SLC25A40: variants seen among roughly 807,000 people sequenced by gnomAD.
SLC25A40 encodes the protein mitochondrial glutathione transporter SLC25A40.
Under a neutral mutation model 46.5 loss-of-function variants are expected in SLC25A40, and 41 were observed. The ratio of observed to expected loss-of-function variants is 0.88; its 90% CI spans 0.69 to 1.14. SLC25A40 has a LOEUF of 1.14. SLC25A40 is among the 50% of genes most tolerant of loss of function. The pLI is 0.00. For synonymous variants in SLC25A40, 126 were observed against 127.5 expected, an observed-to-expected ratio of 0.99 and a Z score of 0.08; for missense variants, 386 against 393.6, an observed-to-expected ratio of 0.98 and a Z score of 0.16.
At chr7:87,869,292 G>A (rs951208664) in intron 1 of SLC25A40, among the ~76,000 whole-genome samples, 9 of 152,052 alleles carry the variant, frequency 5.9e-5, no homozygotes, top group African/African-American at 1.7e-4. Context: ...TTGGGGGGCC[G>A]AGTGAGGCAA....
intron 3 of SLC25A40, among the ~76,000 whole-genome samples, chr7:87,856,626 GT>G (rs1838620087): frequency 6.6e-6 from 1 of 152,046 alleles, no homozygotes; most frequent in Non-Finnish European, 1.5e-5. Flanking sequence ...ATTAAAGTCA[GT>G]ATTTATAAGA....
intron 3 of SLC25A40, among the ~76,000 whole-genome samples, chr7:87,858,098 G>A (rs1838643004): frequency 6.6e-6 from 1 of 152,090 alleles, no homozygotes; most frequent in Admixed American, 6.5e-5. Context: ...ACTAGGATTG[G>A]GCAACTCCAC....
chr7:87,847,389 T>C (rs1838437452), intron 7 of SLC25A40, among the ~76,000 whole-genome samples: 1 of 152,152 alleles, frequency 6.6e-6, no homozygotes, highest in Non-Finnish European at 1.5e-5. Flanking sequence ...AATGTTATAA[T>C]CAACCAGAAC....
intron 10 of SLC25A40, among the ~76,000 whole-genome samples, chr7:87,839,296 GA>G (rs578169913): frequency 6.6e-6 from 1 of 151,242 alleles, no homozygotes; most frequent in Admixed American, 6.6e-5. Flanking sequence ...TTTTAAAATA[GA>G]AATATAATAT....
intron 6 of SLC25A40, among the ~76,000 whole-genome samples, chr7:87,848,551 G>A (rs1295851180): frequency 6.6e-6 from 1 of 152,128 alleles, no homozygotes; most frequent in African/African-American, 2.4e-5. Flanking sequence ...TAAAAAGTAC[G>A]TGAGAAATTG....
intron 8 of SLC25A40, 49 bp from the exon 9 acceptor site, chr7:87,843,912 G>GAC: frequency 6.8e-7 from 1 of 1,469,718 alleles, no homozygotes; most frequent in South Asian, 1.2e-5. Flanking sequence ...ATAAAATGTG[G>GAC]ACTTTAATAA....
Position 87,846,931 on chromosome 7 carries a change from A to C in SLC25A40, c.631+18T>G. On this transcript the variant is annotated intron_variant, in intron 8 of 11. Coordinates refer to ENST00000341119, the MANE Select transcript of SLC25A40 (RefSeq NM_018843.4). ...AAGCCATGTAAAATTTAGTAGCTAC[A>C]AATAAGATAAATCCTACCTGAGAAA... 6.3e-7 allele frequency: 1 copy of C among 1,574,970 alleles called. No individual in the cohort carries two copies. Among genetic ancestry groups the C allele is most frequent in the African/African-American group, 1.4e-5 (1 of 73,056 alleles).
rs1020607453 is a variant in SLC25A40, at chr7:87,876,327, A to T, written c.-325T>A. The T allele has an allele frequency of 5.8e-6, 1 of 171,594 alleles. No homozygotes were observed. The highest frequency in any genetic ancestry group is 1.2e-5 in the Non-Finnish European group (1 of 81,842). 10.6% of individuals were successfully genotyped at this position (171,594 alleles called of 1,614,324 possible). ...GGAGGCGGGGTAGAGGCGGAAACAC[A>T]ACCTGCAGGGCCAGAGCGAGGCGCG... On this transcript the variant is annotated 5_prime_UTR_variant, in exon 1 of 12. Coordinates refer to ENST00000341119, the MANE Select transcript of SLC25A40 (RefSeq NM_018843.4).
rs1456062434 is a variant in SLC25A40, at chr7:87,856,298, G to A, written c.151C>T (p.Pro51Ser). The A allele has an allele frequency of 1.2e-6, 2 of 1,611,862 alleles. No homozygotes were observed. Among genetic ancestry groups the A allele is most frequent in the Non-Finnish European group, 1.7e-6 (2 of 1,178,340 alleles). ...IRLQAQNNPL[P>S]KGKCFVYSNG... ...GGGCAATTAGTACACATACCTTTGG[G>A]GAGTGGGTTGTTTTGGGCTTGGAGT... Residue 51 changes from proline (P) to serine (S), a missense_variant, in exon 4 of 12, where the codon CCC (proline) becomes TCC (serine). Coordinates refer to ENST00000341119, the MANE Select transcript of SLC25A40 (RefSeq NM_018843.4).
chr7:87,843,125 C>T (rs1838358763), intron 9 of SLC25A40, among the ~76,000 whole-genome samples: 1 of 151,918 alleles, frequency 6.6e-6, no homozygotes, highest in Admixed American at 6.6e-5. Context: ...TGTCTCACTA[C>T]AAGTTATTAC....
At chr7:87,851,528 C>G (rs1838510279) in intron 5 of SLC25A40, among the ~76,000 whole-genome samples, 1 of 152,124 alleles carries the variant, frequency 6.6e-6, no homozygotes, top group Non-Finnish European at 1.5e-5. Context: ...TTACCCCTAC[C>G]AGGTCAGCAA....
intron 3 of SLC25A40, among the ~76,000 whole-genome samples, chr7:87,856,908 A>C (rs545483343): frequency 2.6e-5 from 4 of 152,200 alleles, no homozygotes; most frequent in Non-Finnish European, 4.4e-5. Context: ...AATGCCAAAT[A>C]ATGTTTCTAA....
At chr7:87,840,822 AT>A (rs1487249814) in intron 10 of SLC25A40, among the ~76,000 whole-genome samples, 1 of 151,818 alleles carries the variant, frequency 6.6e-6, no homozygotes, top group Non-Finnish European at 1.5e-5. Context: ...CATCAGATTC[AT>A]TTGTAGAGGT....
chr7:87,850,679 G>T (rs1838494014), intron 5 of SLC25A40, among the ~76,000 whole-genome samples: 2 of 151,486 alleles, frequency 1.3e-5, no homozygotes, highest in Admixed American at 1.3e-4. Context: ...GAGGTGGGAG[G>T]ACTGCTTCAG....
chr7:87,872,895 AC>A (rs1838915731), intron 1 of SLC25A40, among the ~76,000 whole-genome samples: 2 of 152,162 alleles, frequency 1.3e-5, no homozygotes, highest in Admixed American at 6.5e-5. Flanking sequence ...TGCTGAATTT[AC>A]CCTGGTTTCC....
chr7:87,843,972 C>T, intron 8 of SLC25A40, 109 bp from the exon 9 acceptor site: 1 of 1,356,382 alleles, frequency 7.4e-7, no homozygotes, highest in Non-Finnish European at 9.5e-7. Flanking sequence ...CTAACCTTGA[C>T]ATACCTTGCT....
intron 7 of SLC25A40, among the ~76,000 whole-genome samples, chr7:87,847,464 A>G (rs1448249536): frequency 6.6e-6 from 1 of 152,182 alleles, no homozygotes; most frequent in East Asian, 1.9e-4. Flanking sequence ...AGCAGAGTAA[A>G]CGTTCTTCTG....
intron 1 of SLC25A40, among the ~76,000 whole-genome samples, chr7:87,872,570 G>A (rs1218047680): frequency 2.0e-5 from 3 of 152,078 alleles, no homozygotes; most frequent in African/African-American, 7.2e-5. Flanking sequence ...TCAATGAAAG[G>A]GAAATTCCTC....
intron 4 of SLC25A40, among the ~76,000 whole-genome samples, chr7:87,855,622 G>A (rs1838600991): frequency 1.3e-5 from 2 of 152,114 alleles, no homozygotes; most frequent in South Asian, 4.1e-4. Context: ...TACCTTTTCA[G>A]CATCTTCCTA....
Sources: allele counts gnomAD v4.1 joint callset (sites outside exome capture counted in the v4.1 genomes callset), GRCh38; gene constraint gnomAD v4.1.1; transcripts MANE v1.5; gene names NCBI Gene and HGNC (gene_info 2026-07-23, HGNC 2026-07-21).